BID: variants seen among roughly 807,000 people sequenced by gnomAD.
The protein encoded by BID is BH3-interacting domain death agonist.
BID carries 19 observed loss-of-function variants against 17.4 expected under a neutral mutation model. That is an observed-to-expected ratio of 1.09 (90% CI 0.76 to 1.60). The LOEUF (loss-of-function observed/expected upper bound fraction) is 1.60. Among genes scored for constraint, BID ranks in the 40% most tolerant of loss-of-function variants. The pLI is 0.00. For missense variants in BID, 226 were observed against 256.0 expected (o/e 0.88, Z 0.80); for synonymous variants, 108 against 102.8 (o/e 1.05, Z -0.31).
intron 3 of BID, chr22:17,740,395 C>T (rs1477506010): frequency 1.9e-6 from 1 of 536,342 alleles, no homozygotes; most frequent in Non-Finnish European, 3.4e-6. Flanking sequence ...GCCGTGATTG[C>T]ACCAGCAACA....
At position 17,754,082 on chromosome 22, in the gene BID, A is replaced by C. The variant is rs182288869; in HGVS notation, c.-58-3908T>G. The stretch of plus-strand genomic sequence containing the variant: ...TCCAGGACTCTGCAGGACAGGGGTG[A>C]CATTCCCCCATTCTCCAGGACTCTG... On this transcript the variant is annotated intron_variant, in intron 1 of 5. Coordinates refer to ENST00000622694, the MANE Select transcript of BID (RefSeq NM_001196.4). 2.6e-3 allele frequency among the ~76,000 whole-genome samples: 393 copies of C among 149,528 alleles called. 2 individuals are homozygous for C. The highest frequency in any genetic ancestry group is 9.0e-3 in the African/African-American group (359 of 39,998).
chr22:17,748,572 G>C (rs1197811503), intron 2 of BID, among the ~76,000 whole-genome samples: 1 of 152,196 alleles, frequency 6.6e-6, no homozygotes, highest in African/African-American at 2.4e-5. Context: ...GGGAAAAAAG[G>C]CTGAACCCTA....
At chr22:17,766,141 A>AT (rs758886653) in intron 1 of BID, among the ~76,000 whole-genome samples, 19 of 151,978 alleles carry the variant, frequency 1.3e-4, no homozygotes, top group Middle Eastern at 3.4e-3. Flanking sequence ...CCAGGCTGGT[A>AT]TCGAGCTCCT....
chr22:17,771,658 T>C (rs2061721522), intron 1 of BID, among the ~76,000 whole-genome samples: 1 of 152,226 alleles, frequency 6.6e-6, no homozygotes, highest in Admixed American at 6.5e-5. Flanking sequence ...CAGAAATAGC[T>C]GCTTTGTGGC....
At chr22:17,738,379 G>A in intron 4 of BID, 150 bp from the exon 5 acceptor site, 1 of 772,656 alleles carries the variant, frequency 1.3e-6, no homozygotes. Context: ...AGTTCTGAGA[G>A]GCAATGGAAA....
intron 1 of BID, among the ~76,000 whole-genome samples, chr22:17,756,481 TTTC>T (rs2061590622): frequency 1.1e-5 from 1 of 92,818 alleles, no homozygotes; most frequent in South Asian, 2.7e-4. Flanking sequence ...CTTTCTTTTC[TTTC>T]TTTCTTTCTT....
chr22:17,756,026 C>T (rs910723363), intron 1 of BID, among the ~76,000 whole-genome samples: 3 of 152,024 alleles, frequency 2.0e-5, no homozygotes, highest in African/African-American at 7.2e-5. Context: ...CACCACCACA[C>T]CTGACTAATT....
intron 1 of BID, among the ~76,000 whole-genome samples, chr22:17,752,225 A>C (rs978912382): frequency 5.9e-5 from 9 of 152,128 alleles, no homozygotes; most frequent in Non-Finnish European, 1.2e-4. Context: ...TGTCTCATGC[A>C]GTGTTTCTCT....
chr22:17,772,113 G>A (rs746922930), intron 1 of BID, among the ~76,000 whole-genome samples: 4 of 151,968 alleles, frequency 2.6e-5, no homozygotes, highest in Admixed American at 1.3e-4. Flanking sequence ...TGCTACCCTC[G>A]TCTGACCACC....
intron 3 of BID, among the ~76,000 whole-genome samples, chr22:17,742,467 ACCTCCCC>A (rs1319569389): frequency 7.9e-6 from 1 of 125,838 alleles, no homozygotes; most frequent in African/African-American, 2.8e-5. Flanking sequence ...ATTCTCAGAC[ACCTCCCC>A]CCACCCCCCA....
At chr22:17,740,288 C>T in intron 3 of BID, 3 of 942,158 alleles carry the variant, frequency 3.2e-6, no homozygotes, top group Non-Finnish European at 5.0e-6. Flanking sequence ...TAAACAATGG[C>T]AGGGACCAGG....
intron 1 of BID, among the ~76,000 whole-genome samples, chr22:17,751,598 G>A (rs1475887270): frequency 2.6e-5 from 4 of 152,182 alleles, no homozygotes; most frequent in Non-Finnish European, 5.9e-5. Context: ...AGCAAACAGA[G>A]GAGAAAGCCT....
intron 5 of BID, among the ~76,000 whole-genome samples, chr22:17,735,832 G>A (rs532261366): frequency 9.9e-5 from 15 of 152,072 alleles, no homozygotes; most frequent in African/African-American, 3.6e-4. Context: ...GGAGGCCCCT[G>A]CTGGGTCAGA....
At position 17,752,964 on chromosome 22, in the gene BID, CT is replaced by C. The variant is rs34597946; in HGVS notation, c.-58-2791del. ...ACAGGCATGAGCCACCGCGCCCAGT[CT>C]TTTTTTTTTTTTTTTTTTTGAGATG... On this transcript the variant is annotated intron_variant, in intron 1 of 5. Coordinates refer to ENST00000622694, the MANE Select transcript of BID (RefSeq NM_001196.4). 3.5e-3 allele frequency among the ~76,000 whole-genome samples: 302 copies of C among 85,180 alleles called. 1 individual carries two copies. Among genetic ancestry groups the C allele is most frequent in the African/African-American group, 0.011 (227 of 21,006 alleles). 55.9% of individuals were successfully genotyped at this position (85,180 alleles called of 152,430 possible). A position where few individuals can be genotyped will look rare whatever the true frequency, so the allele number is the denominator to read the frequency against.
At chr22:17,755,055 C>G (rs2061571521) in intron 1 of BID, among the ~76,000 whole-genome samples, 1 of 151,298 alleles carries the variant, frequency 6.6e-6, no homozygotes, top group African/African-American at 2.4e-5. Flanking sequence ...AGCCACCGTG[C>G]CTGGCCTGAA....
intron 2 of BID, among the ~76,000 whole-genome samples, chr22:17,748,980 G>A (rs1419937315): frequency 1.3e-5 from 2 of 152,128 alleles, no homozygotes; most frequent in African/African-American, 2.4e-5. Flanking sequence ...CAGCCCTCCA[G>A]CCACCACGCT....
At chr22:17,756,444 TTTC>T (rs2061587244) in intron 1 of BID, among the ~76,000 whole-genome samples, 4 of 117,380 alleles carry the variant, frequency 3.4e-5, no homozygotes, top group African/African-American at 8.4e-5. Flanking sequence ...TCTTTCTTTC[TTTC>T]TTTCTTTCTT....
At position 17,757,664 on chromosome 22, in the gene BID, G is replaced by A. The variant is rs373949118; in HGVS notation, c.-58-7490C>T. ...GCGGAGCTTGCAGTGAGCCAAGATA[G>A]CGCCACTGTACTCCAGCCTGCGCGA... On this transcript the variant is annotated intron_variant, in intron 1 of 5. Coordinates refer to ENST00000622694, the MANE Select transcript of BID (RefSeq NM_001196.4). Among the ~76,000 whole-genome samples the A allele has an allele frequency of 8.8e-5, 13 of 147,528 alleles. No homozygotes were observed. The East Asian group carries it at 1.6e-3, about 18-fold the overall frequency.
At position 17,773,743 on chromosome 22, in the gene BID, T is replaced by G; in HGVS notation, c.-59+638A>C. 2 of 1,571,326 alleles carry G rather than the reference T, an allele frequency of 1.3e-6. No homozygotes were observed. Among genetic ancestry groups the G allele is most frequent in the Non-Finnish European group, 1.7e-6 (2 of 1,156,694 alleles). On this transcript the variant is annotated intron_variant, in intron 1 of 5. Coordinates refer to ENST00000622694, the MANE Select transcript of BID (RefSeq NM_001196.4). This position sits in a 1 kb window ranked among gnomAD's most constrained non-coding sequence, Gnocchi z 4.4. ...CTTGCCAGCCCAGCCACTTGGTGGC[T>G]GAGGGCTTCAGAGCTCTCCCAGGGT... is the stretch of plus-strand genomic sequence containing the variant.
Sources: allele counts gnomAD v4.1 joint callset (sites outside exome capture counted in the v4.1 genomes callset), GRCh38; gene constraint gnomAD v4.1.1; non-coding constraint Gnocchi (gnomAD v3.1); transcripts MANE v1.5; gene names NCBI Gene and HGNC (gene_info 2026-07-23, HGNC 2026-07-21).